ARHGAP15: variants seen among roughly 807,000 people sequenced by gnomAD.
ARHGAP15 encodes the protein rho GTPase-activating protein 15.
Under a neutral mutation model 63.7 loss-of-function variants are expected in ARHGAP15, and 51 were observed. The observed-to-expected ratio is 0.80, with a 90% CI of 0.64 to 1.01. The LOEUF is 1.01. Ranked by LOEUF, ARHGAP15 falls within the 50% of genes least tolerant of loss-of-function variation. The probability of loss-of-function intolerance (pLI) is 0.00; values close to 1 mark genes in which losing one functional copy is unlikely to be tolerated. For synonymous variants in ARHGAP15, 191 were observed against 193.8 expected (o/e 0.99, Z 0.12); for missense variants, 560 against 564.6 (o/e 0.99, Z 0.08).
intron 8 of ARHGAP15, among the ~76,000 whole-genome samples, chr2:143,452,848 A>G (rs1690470520): frequency 6.6e-6 from 1 of 152,112 alleles, no homozygotes; most frequent in South Asian, 2.1e-4. Context: ...ACTAGAAAAT[A>G]TTGGGATGAT....
At chr2:143,138,591 T>C (rs1428441987) in intron 1 of ARHGAP15, among the ~76,000 whole-genome samples, 1 of 152,132 alleles carries the variant, frequency 6.6e-6, no homozygotes, top group African/African-American at 2.4e-5. Flanking sequence ...TTCTTTTGCC[T>C]TGGTTTTTGC....
chr2:143,426,632 C>A (rs1254711933), intron 6 of ARHGAP15, among the ~76,000 whole-genome samples: 1 of 152,108 alleles, frequency 6.6e-6, no homozygotes, highest in Non-Finnish European at 1.5e-5. Flanking sequence ...CAAGCATCTG[C>A]AGATTTCCTC....
At chr2:143,585,393 C>T (rs993396380) in intron 11 of ARHGAP15, among the ~76,000 whole-genome samples, 5 of 151,766 alleles carry the variant, frequency 3.3e-5, no homozygotes, top group African/African-American at 4.8e-5. Flanking sequence ...CATAAATAAA[C>T]ACATACATAA....
At chr2:143,275,745 T>TA (rs1159782705) in intron 6 of ARHGAP15, among the ~76,000 whole-genome samples, 1 of 152,202 alleles carries the variant, frequency 6.6e-6, no homozygotes, top group Non-Finnish European at 1.5e-5. Flanking sequence ...AGTCCTCTGA[T>TA]ACGCTGGTTT....
intron 2 of ARHGAP15, among the ~76,000 whole-genome samples, chr2:143,156,178 C>G (rs925183136): frequency 6.6e-6 from 1 of 151,762 alleles, no homozygotes; most frequent in Non-Finnish European, 1.5e-5. Context: ...GGAGAGGAAG[C>G]CATTTTGTCT....
chr2:143,581,323 A>T (rs764479353), intron 11 of ARHGAP15, among the ~76,000 whole-genome samples: 1 of 152,154 alleles, frequency 6.6e-6, no homozygotes, highest in Non-Finnish European at 1.5e-5. Context: ...CAGCTGGTAC[A>T]TGGCTATGTG....
At position 143,395,149 on chromosome 2, in the gene ARHGAP15, G is replaced by A. The variant is rs182687582; in HGVS notation, c.475-40452G>A. ...AAAAATGATAGTTGTTTACATTAAA[G>A]GAGCTTAAAATTTATTGAGGAACAG... On this transcript the variant is annotated intron_variant, in intron 6 of 13. Coordinates refer to ENST00000295095, the MANE Select transcript of ARHGAP15 (RefSeq NM_018460.4). Among the ~76,000 whole-genome samples the A allele has an allele frequency of 5.3e-5, 8 of 152,120 alleles. No homozygotes were observed. In the East Asian group the frequency reaches 1.5e-3, roughly 29 times the overall value.
chr2:143,540,790 C>A (rs1695012603), intron 10 of ARHGAP15, among the ~76,000 whole-genome samples: 1 of 152,166 alleles, frequency 6.6e-6, no homozygotes, highest in African/African-American at 2.4e-5. Context: ...CCTGACCTTT[C>A]TCTCTGGCTG....
intron 5 of ARHGAP15, among the ~76,000 whole-genome samples, chr2:143,235,537 C>T (rs1340750549): frequency 1.3e-5 from 2 of 152,096 alleles, no homozygotes; most frequent in East Asian, 1.9e-4. Flanking sequence ...GTAGTGTTAG[C>T]GTTCTCCAGG....
chr2:143,727,469 G>T (rs1302282698), intron 13 of ARHGAP15, among the ~76,000 whole-genome samples: 1 of 152,148 alleles, frequency 6.6e-6, no homozygotes, highest in East Asian at 1.9e-4. Flanking sequence ...GTTTAAGAAA[G>T]ATATTAATGC....
At chr2:143,747,042 T>G (rs535329204) in intron 13 of ARHGAP15, among the ~76,000 whole-genome samples, 2 of 151,848 alleles carry the variant, frequency 1.3e-5, no homozygotes, top group African/African-American at 4.8e-5. Context: ...CAGATTTAGG[T>G]TTAAAAAACT....
chr2:143,728,278 CCT>C (rs1264172946), intron 13 of ARHGAP15, among the ~76,000 whole-genome samples: 1 of 152,112 alleles, frequency 6.6e-6, no homozygotes, highest in African/African-American at 2.4e-5. Flanking sequence ...GTCTAAATTT[CCT>C]CTTTCTATAA....
intron 6 of ARHGAP15, among the ~76,000 whole-genome samples, chr2:143,286,899 C>T (rs762648171): frequency 7.9e-5 from 12 of 152,072 alleles, no homozygotes; most frequent in South Asian, 2.1e-4. Context: ...CGAACTTATA[C>T]GGCATGTTAC....
intron 6 of ARHGAP15, among the ~76,000 whole-genome samples, chr2:143,341,759 C>G (rs889091595): frequency 3.3e-5 from 5 of 152,088 alleles, no homozygotes; most frequent in Non-Finnish European, 7.4e-5. Flanking sequence ...ATATTGGTTT[C>G]CCTTTCTGCT....
intron 2 of ARHGAP15, among the ~76,000 whole-genome samples, chr2:143,163,262 G>A (rs551290108): frequency 6.6e-6 from 1 of 151,966 alleles, no homozygotes; most frequent in South Asian, 2.1e-4. Context: ...TGGCACGGTA[G>A]CATCTTTGCT....
chr2:143,429,171 T>C (rs1313279865), intron 6 of ARHGAP15, among the ~76,000 whole-genome samples: 2 of 152,088 alleles, frequency 1.3e-5, no homozygotes, highest in Admixed American at 6.6e-5. Context: ...AGAAGACTGT[T>C]TCTCAGTACT....
At chr2:143,414,656 G>A (rs1308313846) in intron 6 of ARHGAP15, among the ~76,000 whole-genome samples, 3 of 152,182 alleles carry the variant, frequency 2.0e-5, no homozygotes, top group Non-Finnish European at 4.4e-5. Context: ...AAAACAGGCA[G>A]GGCATGGTGG....
chr2:143,523,119 A>T (rs1304329997), intron 10 of ARHGAP15, among the ~76,000 whole-genome samples: 1 of 152,170 alleles, frequency 6.6e-6, no homozygotes, highest in African/African-American at 2.4e-5. Flanking sequence ...GTAAGTACTC[A>T]ATAAATATTG....
chr2:143,311,626 A>G (rs1266534842), intron 6 of ARHGAP15, among the ~76,000 whole-genome samples: 1 of 152,128 alleles, frequency 6.6e-6, no homozygotes, highest in African/African-American at 2.4e-5. Context: ...TTAAATGTGC[A>G]AGGAAGGAAA....
Sources: allele counts gnomAD v4.1 joint callset (sites outside exome capture counted in the v4.1 genomes callset), GRCh38; gene constraint gnomAD v4.1.1; transcripts MANE v1.5; gene names NCBI Gene and HGNC (gene_info 2026-07-23, HGNC 2026-07-21).